RALGAPA2: variants seen among roughly 807,000 people sequenced by gnomAD.
RALGAPA2 encodes ral GTPase-activating protein subunit alpha-2.
In RALGAPA2, 139 loss-of-function variants were observed where a neutral mutation model predicts 230.4. The observed-to-expected ratio is 0.60, with a 90% CI of 0.53 to 0.69. The LOEUF is 0.69. Ranked by LOEUF, RALGAPA2 falls within the 30% of genes least tolerant of loss-of-function variation. The pLI, the probability that RALGAPA2 is intolerant of heterozygous loss-of-function variation, is 0.00. For synonymous variants in RALGAPA2, 847 were observed against 837.8 expected (o/e 1.01, Z -0.19); for missense variants, 2,163 against 2,276.0 (o/e 0.95, Z 1.01).
At position 20,704,778 on chromosome 20, in the gene RALGAPA2, T is replaced by G. The variant is rs369602865; in HGVS notation, c.106+7597A>C. ...GTGGCTCCTCTTCTGCTTAAAACCC[T>G]TCACTGGAGTCCCAACATCTACTTA... On this transcript the variant is annotated intron_variant, in intron 1 of 39. Transcript: ENST00000202677. 4.6e-5 allele frequency among the ~76,000 whole-genome samples: 7 copies of G among 152,336 alleles called. No individual in the cohort carries two copies. In the East Asian group the frequency reaches 1.2e-3, roughly 25 times the overall value.
intron 37 of RALGAPA2, among the ~76,000 whole-genome samples, chr20:20,427,044 AC>A (rs1470705809): frequency 6.6e-6 from 1 of 152,182 alleles, no homozygotes; most frequent in African/African-American, 2.4e-5. Context: ...CAGCAGCCTG[AC>A]TTGAGAGCCT....
intron 37 of RALGAPA2, among the ~76,000 whole-genome samples, chr20:20,435,198 A>G (rs1230331059): frequency 6.6e-6 from 1 of 152,260 alleles, no homozygotes; most frequent in African/African-American, 2.4e-5. Flanking sequence ...TGTTGATGCC[A>G]GATCCCCTGG....
chr20:20,685,929 A>C (rs1424736223), intron 1 of RALGAPA2, among the ~76,000 whole-genome samples: 3 of 152,196 alleles, frequency 2.0e-5, no homozygotes, highest in Non-Finnish European at 4.4e-5. Context: ...GCATGTCCAA[A>C]TTAACCACAG....
chr20:20,638,253 T>C (rs1245297864), intron 7 of RALGAPA2, among the ~76,000 whole-genome samples: 1 of 152,158 alleles, frequency 6.6e-6, no homozygotes, highest in African/African-American at 2.4e-5. Flanking sequence ...ATAAGACCTG[T>C]TGGTGGTTCT....
At chr20:20,698,648 C>G (rs1172843754) in intron 1 of RALGAPA2, among the ~76,000 whole-genome samples, 1 of 152,174 alleles carries the variant, frequency 6.6e-6, no homozygotes. Context: ...GATCTGCCCA[C>G]CTCAGCCTCC....
At chr20:20,686,629 A>C (rs1201252821) in intron 1 of RALGAPA2, among the ~76,000 whole-genome samples, 2 of 152,162 alleles carry the variant, frequency 1.3e-5, no homozygotes, top group East Asian at 3.8e-4. Flanking sequence ...TAAGAGCTTC[A>C]GTCAGCATTA....
intron 10 of RALGAPA2, among the ~76,000 whole-genome samples, chr20:20,623,983 A>G (rs1180327204): frequency 6.6e-6 from 1 of 152,076 alleles, no homozygotes; most frequent in Non-Finnish European, 1.5e-5. Flanking sequence ...TCCCAAGGGG[A>G]AAAAAATGAC....
At chr20:20,435,022 C>A (rs2060579197) in intron 37 of RALGAPA2, among the ~76,000 whole-genome samples, 1 of 152,248 alleles carries the variant, frequency 6.6e-6, no homozygotes, top group Non-Finnish European at 1.5e-5. Flanking sequence ...CTACCCCATG[C>A]CCAGAAGCTG....
At chr20:20,504,749 AAAG>A (rs1195567313) in intron 34 of RALGAPA2, among the ~76,000 whole-genome samples, 1 of 152,062 alleles carries the variant, frequency 6.6e-6, no homozygotes, top group Non-Finnish European at 1.5e-5. Flanking sequence ...AAAAAGAAAA[AAAG>A]AAGTAAATTA....
At chr20:20,675,773 G>A (rs572778552) in intron 3 of RALGAPA2, among the ~76,000 whole-genome samples, 2 of 152,178 alleles carry the variant, frequency 1.3e-5, no homozygotes, top group African/African-American at 4.8e-5. Context: ...TTGCATGTCA[G>A]ATTTATATAT....
intron 36 of RALGAPA2, among the ~76,000 whole-genome samples, chr20:20,493,748 T>C (rs921919325): frequency 1.3e-5 from 2 of 152,214 alleles, no homozygotes; most frequent in Non-Finnish European, 2.9e-5. Context: ...TTTAATTCTT[T>C]AAAGTAGTGC....
chr20:20,656,075 G>A (rs929176943), intron 3 of RALGAPA2, among the ~76,000 whole-genome samples: 4 of 152,186 alleles, frequency 2.6e-5, no homozygotes, highest in African/African-American at 9.6e-5. Flanking sequence ...GATTTGGACG[G>A]TAACAGATAT....
Position 20,572,952 on chromosome 20 carries a change from C to T in RALGAPA2, c.2824G>A (p.Val942Met), listed in dbSNP as rs550110193. The part of the protein sequence containing the change: ...WRRVLGILGD[V>M]NNIQSPKIHA... ...ATCTTGGGTGACTGGATGTTATTCA[C>T]ATCTCCGAGGATCCCCAAGACCCTT... The change falls in exon 21 of 40, where the codon GTG becomes ATG. Residue 942 changes from valine (V) to methionine (M), a missense_variant. Physicochemically the swap from Val to Met is conservative, Grantham distance 21. Coordinates refer to ENST00000202677, the MANE Select transcript of RALGAPA2 (RefSeq NM_020343.4). The T allele has an allele frequency of 5.0e-6, 8 of 1,589,564 alleles. No homozygotes were observed. In the Admixed American group the frequency reaches 5.3e-5, roughly 11 times the overall value.
chr20:20,598,870 T>C (rs2065546311), intron 16 of RALGAPA2: 1 of 410,918 alleles, frequency 2.4e-6, no homozygotes, highest in African/African-American at 2.1e-5. Context: ...ATAGGACCTT[T>C]CACTTTATTA....
At chr20:20,514,863 C>T (rs2062821039) in intron 31 of RALGAPA2, among the ~76,000 whole-genome samples, 1 of 152,186 alleles carries the variant, frequency 6.6e-6, no homozygotes, top group Non-Finnish European at 1.5e-5. Context: ...GCACCCAAAC[C>T]CGCTCTCCTG....
intron 15 of RALGAPA2, among the ~76,000 whole-genome samples, chr20:20,602,774 G>A (rs1242271579): frequency 2.6e-5 from 4 of 152,060 alleles, no homozygotes; most frequent in Non-Finnish European, 2.9e-5. Flanking sequence ...CTCTTTAGAT[G>A]AATCTGTGGG....
intron 7 of RALGAPA2, among the ~76,000 whole-genome samples, chr20:20,637,858 T>G (rs946676319): frequency 3.9e-5 from 6 of 152,178 alleles, no homozygotes. Context: ...AACAATCAGG[T>G]GTTTTTTTCT....
intron 20 of RALGAPA2, 46 bp downstream of exon 20, chr20:20,583,004 C>A (rs973200564): frequency 6.4e-7 from 1 of 1,569,686 alleles, no homozygotes; most frequent in Admixed American, 1.7e-5. Flanking sequence ...CACAACTGAT[C>A]TCCCAGCTGT....
At chr20:20,681,810 G>A (rs1452106204) in intron 1 of RALGAPA2, among the ~76,000 whole-genome samples, 1 of 152,142 alleles carries the variant, frequency 6.6e-6, no homozygotes, top group East Asian at 1.9e-4. Context: ...AGTGAGCTAT[G>A]GTTGAGCCAC....
Sources: gnomAD v4.1 joint callset for allele counts (sites outside exome capture counted in the v4.1 genomes callset) on GRCh38, gnomAD v4.1.1 for gene constraint, MANE v1.5 for transcripts, NCBI Gene and HGNC (gene_info 2026-07-23, HGNC 2026-07-21) for gene names.